Variants in SEMA3C observed in about 807,000 individuals in gnomAD.
SEMA3C encodes semaphorin-3C.
A neutral mutation model predicts 89.4 loss-of-function variants in SEMA3C; 47 were observed. The ratio of observed to expected loss-of-function variants is 0.53; its 90% confidence interval spans 0.42 to 0.67. The LOEUF is 0.67. Ranked by LOEUF, SEMA3C falls within the 30% of genes least tolerant of loss-of-function variation. SEMA3C has a pLI of 0.00. For synonymous variants in SEMA3C, 310 were observed against 320.2 expected (o/e 0.97, Z 0.34); for missense variants, 839 against 929.1 (o/e 0.90, Z 1.26).
chr7:80,749,471 A>G (rs1049644457), intron 16 of SEMA3C, among the ~76,000 whole-genome samples: 3 of 152,178 alleles, frequency 2.0e-5, no homozygotes, highest in Non-Finnish European at 4.4e-5. Flanking sequence ...TCCATACTCA[A>G]TGTTATATAG....
intron 13 of SEMA3C, among the ~76,000 whole-genome samples, chr7:80,764,053 A>C (rs1046580608): frequency 1.3e-5 from 2 of 152,196 alleles, no homozygotes; most frequent in African/African-American, 2.4e-5. Context: ...ATTTCTTTAC[A>C]TTTAAAATGT....
intron 2 of SEMA3C, among the ~76,000 whole-genome samples, chr7:80,909,294 G>A (rs1267386618): frequency 6.6e-6 from 1 of 152,078 alleles, no homozygotes; most frequent in Non-Finnish European, 1.5e-5. Flanking sequence ...CTTCTCTGAG[G>A]AACAGAAATC....
At chr7:80,849,405 T>C (rs1347225808) in intron 2 of SEMA3C, among the ~76,000 whole-genome samples, 1 of 151,104 alleles carries the variant, frequency 6.6e-6, no homozygotes, top group Non-Finnish European at 1.5e-5. Context: ...TTGTAAATCC[T>C]TAATATTTTG....
chr7:80,856,553 A>C (rs1471848479), intron 2 of SEMA3C, among the ~76,000 whole-genome samples: 1 of 151,180 alleles, frequency 6.6e-6, no homozygotes, highest in East Asian at 1.9e-4. Flanking sequence ...AAAAAAAAAA[A>C]AAAACTAGGT....
At chr7:80,824,992 T>C (rs570849826) in intron 4 of SEMA3C, among the ~76,000 whole-genome samples, 1 of 152,150 alleles carries the variant, frequency 6.6e-6, no homozygotes, top group African/African-American at 2.4e-5. Flanking sequence ...ACCTCCAGTT[T>C]CTTCACAACA....
intron 2 of SEMA3C, among the ~76,000 whole-genome samples, chr7:80,912,611 A>G (rs1254950335): frequency 6.6e-6 from 1 of 152,168 alleles, no homozygotes. Context: ...GTTTACTAAA[A>G]CACTCATGTG....
chr7:80,806,013 G>T (rs1238847899), intron 6 of SEMA3C, among the ~76,000 whole-genome samples: 1 of 151,870 alleles, frequency 6.6e-6, no homozygotes, highest in African/African-American at 2.4e-5. Context: ...CTATGTAAAA[G>T]TGAGAGTTCC....
rs1787712706 is a variant in SEMA3C, at chr7:80,742,847, A to T, written c.*2047T>A. 6.6e-6 allele frequency: 1 copy of T among 152,010 alleles called. No individual in the cohort carries two copies. The highest frequency in any genetic ancestry group is 2.4e-5 in the African/African-American group (1 of 41,446). The allele number at this position is 152,010 out of a possible 1,614,324, so 9.4% of individuals were successfully genotyped here. On this transcript the variant is annotated 3_prime_UTR_variant, in exon 18 of 18. Transcript: ENST00000265361. ...TTTTTGAAAAAAAATTTTCTTTTAC[A>T]TTCAGCAGAGTTATGTTCATGAAGA...
intron 15 of SEMA3C, among the ~76,000 whole-genome samples, chr7:80,754,947 G>GTTTTTTTTTTTTTTTTTTTTT (rs1031680674): frequency 3.0e-4 from 4 of 13,142 alleles, no homozygotes; most frequent in Admixed American, 1.3e-3. Context: ...CTGGCGAATT[G>GTTTTTTTTTTTTTTTTTTTTT]TTTTTTTTTG....
At chr7:80,745,458 G>T in intron 17 of SEMA3C, 151 bp from the exon 18 acceptor site, 2 of 721,550 alleles carry the variant, frequency 2.8e-6, no homozygotes, top group Non-Finnish European at 4.3e-6. Context: ...ATGAAATTTT[G>T]GTCAGTTCCA....
At chr7:80,891,207 TCCATAAGTG>T (rs1562972234) in intron 2 of SEMA3C, among the ~76,000 whole-genome samples, 3 of 152,160 alleles carry the variant, frequency 2.0e-5, no homozygotes, top group Admixed American at 6.6e-5. Flanking sequence ...TTACTGATTG[TCCATAAGTG>T]AAACAGAAGG....
intron 11 of SEMA3C, among the ~76,000 whole-genome samples, chr7:80,791,904 G>A (rs1308446088): frequency 6.6e-6 from 1 of 152,160 alleles, no homozygotes; most frequent in East Asian, 1.9e-4. Flanking sequence ...CATTTAGACT[G>A]CAGCATCATG....
chr7:80,823,597 G>T (rs180747574), intron 4 of SEMA3C, among the ~76,000 whole-genome samples: 1 of 152,090 alleles, frequency 6.6e-6, no homozygotes, highest in African/African-American at 2.4e-5. Context: ...CTAGGGAAAT[G>T]AATCAAGGTA....
At position 80,828,002 on chromosome 7, in the gene SEMA3C, T is replaced by G. The variant is rs191151284; in HGVS notation, c.265-515A>C. On this transcript the variant is annotated intron_variant, in intron 3 of 17. Coordinates refer to ENST00000265361, the MANE Select transcript of SEMA3C (RefSeq NM_006379.5). ...AATACTGTGCTAGTACTCTAAGTAG[T>G]TGCAGCCTTGGGTCCAGTTTGGCAA... Among the ~76,000 whole-genome samples the G allele has an allele frequency of 3.4e-3, 517 of 152,256 alleles. 1 individual carries two copies. Among genetic ancestry groups the G allele is most frequent in the Middle Eastern group, 0.017 (5 of 294 alleles).
chr7:80,909,849 G>T (rs559422414), intron 2 of SEMA3C, among the ~76,000 whole-genome samples: 1 of 152,068 alleles, frequency 6.6e-6, no homozygotes, highest in African/African-American at 2.4e-5. Context: ...CTCAATCTTC[G>T]CAAAGAGAAT....
chr7:80,857,483 T>C (rs1274833560), intron 2 of SEMA3C, among the ~76,000 whole-genome samples: 1 of 152,202 alleles, frequency 6.6e-6, no homozygotes, highest in Non-Finnish European at 1.5e-5. Context: ...CATCTCAGAA[T>C]TGCTTATCAT....
chr7:80,843,536 A>T (rs1422798473), intron 2 of SEMA3C, among the ~76,000 whole-genome samples: 1 of 152,162 alleles, frequency 6.6e-6, no homozygotes, highest in Admixed American at 6.6e-5. Flanking sequence ...TGAAGAAAAA[A>T]ATACCTATCT....
At chr7:80,835,550 T>A (rs2115849838) in intron 2 of SEMA3C, among the ~76,000 whole-genome samples, 1 of 152,230 alleles carries the variant, frequency 6.6e-6, no homozygotes, top group Middle Eastern at 3.4e-3. Flanking sequence ...GGCTTATTGT[T>A]TTGAAACTGG....
At chr7:80,876,433 G>A (rs1212131971) in intron 2 of SEMA3C, among the ~76,000 whole-genome samples, 2 of 152,154 alleles carry the variant, frequency 1.3e-5, no homozygotes, top group African/African-American at 4.8e-5. Flanking sequence ...TCTGGCACCA[G>A]ATGGCTTGGT....
Sources: allele counts gnomAD v4.1 joint callset (sites outside exome capture counted in the v4.1 genomes callset), GRCh38; gene constraint gnomAD v4.1.1; transcripts MANE v1.5; gene names NCBI Gene and HGNC (gene_info 2026-07-23, HGNC 2026-07-21).